GABRB3: variants seen among roughly 807,000 people sequenced by gnomAD.
GABRB3 encodes the protein gamma-aminobutyric acid receptor subunit beta-3.
Under a neutral mutation model 52.1 loss-of-function variants are expected in GABRB3, and 14 were observed. The ratio of observed to expected loss-of-function variants is 0.27; its 90% CI spans 0.18 to 0.42. GABRB3 has a LOEUF of 0.42. Ranked by LOEUF, GABRB3 falls within the 10% of genes least tolerant of loss-of-function variation. The pLI is 1.00. For synonymous variants in GABRB3, 260 were observed against 232.3 expected (o/e 1.12, Z -1.08); for missense variants, 307 against 609.1 (o/e 0.50, Z 5.22).
chr15:26,641,156 C>T (rs144213160), intron 3 of GABRB3, among the ~76,000 whole-genome samples: 4 of 152,220 alleles, frequency 2.6e-5, no homozygotes, highest in African/African-American at 9.6e-5. Flanking sequence ...GATCCGTAGA[C>T]TCCCATCTCA....
At chr15:26,618,910 T>C (rs1200853056) in intron 4 of GABRB3, among the ~76,000 whole-genome samples, 2 of 145,380 alleles carry the variant, frequency 1.4e-5, no homozygotes, top group African/African-American at 5.2e-5. Context: ...AAAAAACACA[T>C]GAAAAAATGC....
Position 26,615,225 on chromosome 15 carries a change from C to A in GABRB3, c.461+6089G>T, listed in dbSNP as rs987118406. 10 of 936,770 alleles carry A rather than the reference C, an allele frequency of 1.1e-5. No individual in the cohort carries two copies. In the African/African-American group the frequency reaches 1.8e-4, roughly 17 times the overall value. 58.0% of individuals were successfully genotyped at this position (936,770 alleles called of 1,614,324 possible). ...CAGAAAAGCTGTGACTGGGACAGGA[C>A]AAAGGACCATTAGTCTCTTAGTCAG... On this transcript the variant is annotated intron_variant, in intron 4 of 8. Transcript: ENST00000311550.
chr15:26,693,185 C>G (rs942692851), intron 3 of GABRB3, among the ~76,000 whole-genome samples: 1 of 152,148 alleles, frequency 6.6e-6, no homozygotes, highest in Non-Finnish European at 1.5e-5. Flanking sequence ...TTTTACTTGA[C>G]TCTGACAAGA....
In GABRB3 at chr15:26,629,249, G is replaced by A. The variant is rs13329457; in HGVS notation, c.241-7715C>T. 9.5e-3 allele frequency: 12,071 copies of A among 1,264,186 alleles called. 909 individuals are homozygous for A. In the African/African-American group the frequency reaches 0.16, roughly 17 times the overall value. The allele number at this position is 1,264,186 out of a possible 1,614,324, so 78.3% of individuals were successfully genotyped here. On this transcript the variant is annotated intron_variant, in intron 3 of 8. Coordinates refer to ENST00000311550, the MANE Select transcript of GABRB3 (RefSeq NM_000814.6). ...GGAAAGGAGGGCAGCGCGGAAGCTT[G>A]GCCCCGAGAGGGAGGAGGCGTGGTC...
chr15:26,652,104 C>A (rs1008773882), intron 3 of GABRB3, among the ~76,000 whole-genome samples: 9 of 152,300 alleles, frequency 5.9e-5, no homozygotes, highest in Non-Finnish European at 1.3e-4. Flanking sequence ...AGCCCCACAA[C>A]CCCCTTATCT....
chr15:26,574,584 C>T (rs1195831586), intron 6 of GABRB3, among the ~76,000 whole-genome samples: 1 of 152,116 alleles, frequency 6.6e-6, no homozygotes, highest in Non-Finnish European at 1.5e-5. Context: ...GAATGAAGTA[C>T]TGATTCATGG....
intron 4 of GABRB3, among the ~76,000 whole-genome samples, chr15:26,584,075 C>T (rs887454175): frequency 2.6e-5 from 4 of 152,200 alleles, no homozygotes; most frequent in Admixed American, 6.5e-5. Flanking sequence ...CGCACCTGGC[C>T]TGTATCACCC....
chr15:26,578,184 G>A (rs1890661184), intron 6 of GABRB3, among the ~76,000 whole-genome samples: 1 of 152,158 alleles, frequency 6.6e-6, no homozygotes, highest in Non-Finnish European at 1.5e-5. Flanking sequence ...TTGTGGAAAG[G>A]AAAATAAATT....
chr15:26,641,093 G>A (rs776026184), intron 3 of GABRB3, among the ~76,000 whole-genome samples: 3 of 152,066 alleles, frequency 2.0e-5, no homozygotes, highest in Non-Finnish European at 4.4e-5. Context: ...TTCTAACCTT[G>A]TCCAGGAGCA....
At chr15:26,584,042 C>T (rs1890887775) in intron 4 of GABRB3, among the ~76,000 whole-genome samples, 1 of 152,204 alleles carries the variant, frequency 6.6e-6, no homozygotes, top group Admixed American at 6.5e-5. Context: ...TCCCAAAGTG[C>T]TGAGATTACA....
chr15:26,719,317 G>C (rs1889584440), intron 3 of GABRB3, among the ~76,000 whole-genome samples: 1 of 152,248 alleles, frequency 6.6e-6, no homozygotes, highest in Admixed American at 6.5e-5. Flanking sequence ...GCACTGACAG[G>C]TATGCCTTCC....
intron 4 of GABRB3, among the ~76,000 whole-genome samples, chr15:26,620,092 T>C (rs1892422277): frequency 6.6e-6 from 1 of 152,170 alleles, no homozygotes; most frequent in Non-Finnish European, 1.5e-5. Flanking sequence ...CTGATGCACT[T>C]ATCAGAACCT....
At chr15:26,669,556 A>G (rs1352960194) in intron 3 of GABRB3, among the ~76,000 whole-genome samples, 1 of 151,756 alleles carries the variant, frequency 6.6e-6, no homozygotes, top group Non-Finnish European at 1.5e-5. Flanking sequence ...GTGGCCTGTA[A>G]TCTTGGGATG....
chr15:26,669,166 C>T (rs1226761773), intron 3 of GABRB3, among the ~76,000 whole-genome samples: 1 of 152,194 alleles, frequency 6.6e-6, no homozygotes, highest in Non-Finnish European at 1.5e-5. Context: ...TCCCACCTCT[C>T]AAACCCCTGG....
chr15:26,612,527 G>C (rs1792285065), intron 4 of GABRB3: 1 of 152,178 alleles, frequency 6.6e-6, no homozygotes, highest in South Asian at 2.1e-4. Context: ...AAAAAGTGGA[G>C]TAAGTTTAGC....
chr15:26,620,914 A>G (rs1244710246), intron 4 of GABRB3, among the ~76,000 whole-genome samples: 1 of 152,180 alleles, frequency 6.6e-6, no homozygotes, highest in Non-Finnish European at 1.5e-5. Flanking sequence ...AAACCCTACA[A>G]TCTGCGCAAC....
In GABRB3 at chr15:26,721,439, C is replaced by T. The variant is rs578205533; in HGVS notation, c.240+50963G>A. ...CTGCATAACAAGCCTTATTCTTGCT[C>T]CTCTAGGTCACCTCCCCAAGCCAGG... On this transcript the variant is annotated intron_variant, in intron 3 of 8. Coordinates refer to ENST00000311550, the MANE Select transcript of GABRB3 (RefSeq NM_000814.6). Among the ~76,000 whole-genome samples, 6 of 152,076 alleles carry T rather than the reference C, an allele frequency of 3.9e-5. No individual in the cohort carries two copies. In the East Asian group the frequency reaches 1.2e-3, roughly 30 times the overall value.
At chr15:26,703,158 T>C (rs537007782) in intron 3 of GABRB3, among the ~76,000 whole-genome samples, 22 of 152,202 alleles carry the variant, frequency 1.4e-4, no homozygotes, top group Admixed American at 1.0e-3. Context: ...TGTACTGCCA[T>C]AACAGAATGC....
chr15:26,672,463 C>G (rs1253955494), intron 3 of GABRB3, among the ~76,000 whole-genome samples: 1 of 152,114 alleles, frequency 6.6e-6, no homozygotes, highest in Non-Finnish European at 1.5e-5. Context: ...TCTCTCTTTC[C>G]CCTAAGAAGA....
Sources: allele counts gnomAD v4.1 joint callset (sites outside exome capture counted in the v4.1 genomes callset), GRCh38; gene constraint gnomAD v4.1.1; transcripts MANE v1.5; gene names NCBI Gene and HGNC (gene_info 2026-07-23, HGNC 2026-07-21).